LAMB4: variants seen among roughly 807,000 people sequenced by gnomAD.
LAMB4 encodes the protein laminin subunit beta-4.
A neutral mutation model predicts 199.2 loss-of-function variants in LAMB4; 196 were observed. That is an observed-to-expected ratio of 0.98 (90% CI 0.88 to 1.11). The LOEUF is 1.11. Ranked by LOEUF, LAMB4 falls within the 50% of genes least tolerant of loss-of-function variation. The pLI is 0.00. For synonymous variants in LAMB4, 744 were observed against 770.6 expected (o/e 0.97, Z 0.57); for missense variants, 2,080 against 2,171.2 (o/e 0.96, Z 0.83).
At chr7:108,026,973 C>A in intron 33 of LAMB4, 1 of 485,410 alleles carries the variant, frequency 2.1e-6, no homozygotes, top group Non-Finnish European at 4.0e-6. Context: ...CCCTGAGAAG[C>A]CCTCTAACTT....
At chr7:108,123,033 C>A in intron 2 of LAMB4, 98 bp downstream of exon 2, 1 of 1,046,136 alleles carries the variant, frequency 9.6e-7, no homozygotes, top group Non-Finnish European at 1.4e-6. Context: ...AAGCATACAG[C>A]ACTATAGAAG....
chr7:108,050,571 C>T (rs1434600697), intron 26 of LAMB4, among the ~76,000 whole-genome samples: 2 of 151,918 alleles, frequency 1.3e-5, no homozygotes, highest in African/African-American at 4.8e-5. Context: ...GGGTTTAAAC[C>T]ATAACTCCAT....
At chr7:108,016,405 T>C in the LAMB4 span, among the ~76,000 whole-genome samples, 1 of 151,442 alleles carries the variant, frequency 6.6e-6, no homozygotes, top group African/African-American at 2.4e-5. Context: ...TGCCTCAGCT[T>C]CCCAAGTAGC....
chr7:108,056,070 G>GA, intron 24 of LAMB4, 63 bp from the exon 25 acceptor site: 1 of 1,458,054 alleles, frequency 6.9e-7, no homozygotes. Context: ...ACTAACTCAA[G>GA]AATCAGGTCT....
intron 30 of LAMB4, among the ~76,000 whole-genome samples, chr7:108,035,370 A>G (rs1233116213): frequency 6.6e-6 from 1 of 151,842 alleles, no homozygotes; most frequent in Admixed American, 6.6e-5. Flanking sequence ...GTGAAACCCC[A>G]TCTCTACTAA....
chr7:108,030,407 C>A (rs773742785), intron 32 of LAMB4, among the ~76,000 whole-genome samples: 5 of 152,146 alleles, frequency 3.3e-5, no homozygotes, highest in Non-Finnish European at 5.9e-5. Flanking sequence ...GATGTATTTT[C>A]TTTGGCAGGT....
At chr7:108,012,208 CAT>C in the LAMB4 span, among the ~76,000 whole-genome samples, 2 of 151,616 alleles carry the variant, frequency 1.3e-5, no homozygotes, top group East Asian at 3.9e-4. Context: ...TAGAAGGAGA[CAT>C]AGAAATGATA....
chr7:108,033,735 A>C (rs1459772912), intron 31 of LAMB4, among the ~76,000 whole-genome samples: 2 of 102,078 alleles, frequency 2.0e-5, no homozygotes, highest in African/African-American at 6.6e-5. Context: ...TTGGATGAGT[A>C]TTTTTTTTTT....
chr7:108,123,423 G>T (rs934721892), intron 1 of LAMB4, among the ~76,000 whole-genome samples: 1 of 152,186 alleles, frequency 6.6e-6, no homozygotes, highest in African/African-American at 2.4e-5. Flanking sequence ...TCAATTGTTT[G>T]TGGGAAATAA....
chr7:108,121,705 G>A (rs1327661466), intron 2 of LAMB4, among the ~76,000 whole-genome samples: 5 of 150,242 alleles, frequency 3.3e-5, no homozygotes, highest in African/African-American at 4.9e-5. Flanking sequence ...AGCTGAGATC[G>A]CACCATTGCA....
chr7:108,126,560 T>TTTTTTG (rs2038790411), intron 1 of LAMB4, among the ~76,000 whole-genome samples: 2 of 100,850 alleles, frequency 2.0e-5, no homozygotes, highest in South Asian at 8.0e-4. Context: ...CTTTCTTTTT[T>TTTTTTG]TTTTTTTTTT....
rs1316829877 is a variant in LAMB4 at position 108,055,168 on chromosome 7, A to T, written c.3755+464T>A. 2.0e-5 allele frequency among the ~76,000 whole-genome samples: 3 copies of T among 150,130 alleles called. No homozygotes were observed. The East Asian group carries it at 5.8e-4, about 29-fold the overall frequency. Reference sequence around the variant, plus strand: ...TCCTAACTAGGTGAGAAAAAAGTAGACATACATGATTTCCAGCTGTTTTTT... The same window carrying T: ...TCCTAACTAGGTGAGAAAAAAGTAGTCATACATGATTTCCAGCTGTTTTTT... On this transcript the variant is annotated intron_variant, in intron 25 of 33. Coordinates refer to ENST00000388781, the MANE Select transcript of LAMB4 (RefSeq NM_007356.3).
At chr7:108,058,950 C>A (rs2036072999) in intron 23 of LAMB4, among the ~76,000 whole-genome samples, 1 of 152,174 alleles carries the variant, frequency 6.6e-6, no homozygotes, top group Admixed American at 6.6e-5. Flanking sequence ...TGGCCTGGAT[C>A]TGCCACGTTT....
intron 23 of LAMB4, among the ~76,000 whole-genome samples, chr7:108,059,570 GAA>G (rs893326610): frequency 6.6e-6 from 1 of 152,152 alleles, no homozygotes; most frequent in African/African-American, 2.4e-5. Flanking sequence ...ATGGTGCTCA[GAA>G]ATGACAACAA....
rs138450606 is a variant in LAMB4, at chr7:108,059,882, T to C, written c.3283-1954A>G. 3.4e-3 allele frequency among the ~76,000 whole-genome samples: 518 copies of C among 152,350 alleles called. 3 individuals carry two copies. The highest frequency in any genetic ancestry group is 0.012 in the African/African-American group (498 of 41,588). On this transcript the variant is annotated intron_variant, in intron 23 of 33. Coordinates refer to ENST00000388781, the MANE Select transcript of LAMB4 (RefSeq NM_007356.3). ...TGTTTCCAGCCTGCATGACAGCCTA[T>C]TGGGATATCTTGTTCTGTCTTTATC...
In LAMB4 at chr7:108,052,102, A is replaced by G. The variant is rs757399608; in HGVS notation, c.3911T>C (p.Ile1304Thr). 2 of 1,603,226 alleles carry G rather than the reference A, an allele frequency of 1.2e-6. No individual in the cohort carries two copies. Among genetic ancestry groups the G allele is most frequent in the East Asian group, 2.2e-5 (1 of 44,694 alleles). The change falls in exon 26 of 34, where the codon ATT becomes ACT. Residue 1304 changes from isoleucine to threonine, a missense_variant. Ile to Thr is a moderately conservative substitution (Grantham distance 89, BLOSUM62 -1). Coordinates refer to ENST00000388781, the MANE Select transcript of LAMB4 (RefSeq NM_007356.3). ...AAAATACATTTTTCCCTTACCCGCA[A>G]TGCTTGCATTAAGGACACTGGATTG... ...DLQSSVLNAS[I>T]ADSSENIKKY...
At chr7:108,022,657 CT>C (rs1427042739), downstream of LAMB4, among the ~76,000 whole-genome samples, 1 of 152,074 alleles carries the variant, frequency 6.6e-6, no homozygotes, top group African/African-American at 2.4e-5. Context: ...AGAGAGCTTT[CT>C]GGGGTGGTCC....
intron 23 of LAMB4, among the ~76,000 whole-genome samples, chr7:108,061,824 A>T (rs1046575405): frequency 5.3e-5 from 8 of 151,828 alleles, no homozygotes; most frequent in African/African-American, 1.9e-4. Context: ...AGAAGGAAAA[A>T]CCCATTCTCC....
At chr7:108,079,870 C>T (rs1317253481) in intron 14 of LAMB4, 84 bp from the exon 15 acceptor site, 5 of 949,810 alleles carry the variant, frequency 5.3e-6, no homozygotes, top group South Asian at 1.9e-5. Context: ...CACTGCACCA[C>T]CCCCTGTATT....
Sources: allele counts gnomAD v4.1 joint callset (sites outside exome capture counted in the v4.1 genomes callset), GRCh38; gene constraint gnomAD v4.1.1; transcripts MANE v1.5; gene names NCBI Gene and HGNC (gene_info 2026-07-23, HGNC 2026-07-21).